SBF2: variants seen among roughly 807,000 people sequenced by gnomAD.
The protein encoded by SBF2 is SET binding factor 2.
In SBF2, 112 loss-of-function variants were observed where a neutral mutation model predicts 225.2. The observed-to-expected ratio is 0.50, with a 90% confidence interval of 0.43 to 0.58. The LOEUF (loss-of-function observed/expected upper bound fraction) is 0.58, where lower values mean the gene tolerates loss of function less well. Among genes scored for constraint, SBF2 ranks in the 20% least tolerant of loss-of-function variants. SBF2 has a pLI of 0.00. For missense variants in SBF2, 1,996 were observed against 2,206.2 expected (o/e 0.90, Z 1.91); for synonymous variants, 763 against 773.3 (o/e 0.99, Z 0.22).
At chr11:9,959,541 G>A (rs1565060420) in intron 16 of SBF2, 21 of 784,854 alleles carry the variant, frequency 2.7e-5, no homozygotes, top group Non-Finnish European at 4.7e-5. Context: ...GGAGGTCCTT[G>A]TGGAAGGGGT....
chr11:10,103,102 G>C (rs61878626), intron 2 of SBF2, among the ~76,000 whole-genome samples: 1 of 152,092 alleles, frequency 6.6e-6, no homozygotes, highest in Non-Finnish European at 1.5e-5. Flanking sequence ...TGTTTGAAAA[G>C]CTGAGTCTCC....
chr11:10,102,349 T>C (rs1419756326), intron 2 of SBF2, among the ~76,000 whole-genome samples: 1 of 152,188 alleles, frequency 6.6e-6, no homozygotes, highest in Non-Finnish European at 1.5e-5. Context: ...ATAATTAAAA[T>C]CACTTATTTA....
chr11:10,258,857 T>G (rs889729655), intron 1 of SBF2, among the ~76,000 whole-genome samples: 1 of 152,212 alleles, frequency 6.6e-6, no homozygotes. Flanking sequence ...AAGAGCCATA[T>G]AGTGACAATA....
intron 2 of SBF2, chr11:10,149,500 C>G (rs1955064781): frequency 6.6e-6 from 1 of 152,176 alleles, no homozygotes; most frequent in Admixed American, 6.5e-5. Context: ...ACACTACTAA[C>G]AACTTCTTTT....
chr11:9,894,000 C>G (rs1460229574), intron 17 of SBF2, among the ~76,000 whole-genome samples: 1 of 152,176 alleles, frequency 6.6e-6, no homozygotes, highest in African/African-American at 2.4e-5. Context: ...AATCGCAGCA[C>G]TTTGTGAGGC....
intron 17 of SBF2, among the ~76,000 whole-genome samples, chr11:9,860,517 G>A (rs995242440): frequency 6.6e-6 from 1 of 152,008 alleles, no homozygotes; most frequent in Admixed American, 6.6e-5. Context: ...TTTTTGTAGA[G>A]ATGGGGTTTC....
intron 2 of SBF2, among the ~76,000 whole-genome samples, chr11:10,139,959 T>C (rs936831837): frequency 2.6e-5 from 4 of 152,196 alleles, no homozygotes; most frequent in Non-Finnish European, 4.4e-5. Context: ...AGGGCAATCC[T>C]TAGGTGTGGT....
intron 24 of SBF2, chr11:9,843,781 C>T (rs1431348771): frequency 1.3e-5 from 2 of 152,162 alleles, no homozygotes; most frequent in Non-Finnish European, 2.9e-5. Context: ...TATTGTAAAT[C>T]ACTTGTGTAA....
chr11:9,939,242 C>T (rs1279840604), intron 16 of SBF2, among the ~76,000 whole-genome samples: 1 of 152,114 alleles, frequency 6.6e-6, no homozygotes, highest in Non-Finnish European at 1.5e-5. Flanking sequence ...ATTACAGGCA[C>T]CTGCCACCAC....
intron 1 of SBF2, among the ~76,000 whole-genome samples, chr11:10,289,705 C>G (rs1964040735): frequency 6.6e-6 from 1 of 152,148 alleles, no homozygotes. Context: ...GAACCCGGTG[C>G]CCTCGGCAGG....
intron 16 of SBF2, among the ~76,000 whole-genome samples, chr11:9,933,983 G>A (rs555086383): frequency 6.6e-6 from 1 of 152,296 alleles, no homozygotes; most frequent in African/African-American, 2.4e-5. Context: ...TCGGGAGGCT[G>A]AGGTAGGAGA....
rs1276273547 is a variant in SBF2 at position 9,781,575 on chromosome 11, C to G, written c.5383G>C (p.Glu1795Gln). 1 of 1,614,240 alleles carries G rather than the reference C, an allele frequency of 6.2e-7. No homozygotes were observed. The highest frequency in any genetic ancestry group is 1.1e-5 in the South Asian group (1 of 91,082). Residue 1795 changes from glutamate (E) to glutamine (Q), a missense_variant, in exon 39 of 40, where the codon GAA becomes CAA. Physicochemically the swap from Glu to Gln is conservative, Grantham distance 29. Transcript: ENST00000256190. ...CTGGGGCCAGCAGGGATGACCATTT[C>G]TACTTCAGCCAGATCAATGTGGCCT... ...CKGHIDLAEV[E>Q]MVIPAGPSMG...
chr11:10,171,015 T>C (rs578249703), intron 2 of SBF2, among the ~76,000 whole-genome samples: 73 of 150,820 alleles, frequency 4.8e-4, no homozygotes, highest in African/African-American at 1.7e-3. Flanking sequence ...ATTCAATTTG[T>C]TCATCAGTTT....
chr11:10,013,407 G>C (rs1356976599), intron 6 of SBF2, among the ~76,000 whole-genome samples: 2 of 152,190 alleles, frequency 1.3e-5, no homozygotes, highest in African/African-American at 4.8e-5. Flanking sequence ...GCAACCACCA[G>C]ATAAGAATGC....
chr11:9,827,235 T>C lies in SBF2; in HGVS notation c.3793+2121A>G, dbSNP rs529958291. Among the ~76,000 whole-genome samples the C allele has an allele frequency of 5.3e-5, 8 of 152,110 alleles. No homozygotes were observed. In the South Asian group the frequency reaches 6.2e-4, roughly 12 times the overall value. On this transcript the variant is annotated intron_variant, in intron 28 of 39. Coordinates refer to ENST00000256190, the MANE Select transcript of SBF2 (RefSeq NM_030962.4). ...ATTGTGAGACAGTGGGACTTCACAG[T>C]TGAGATATCTGGGGCCAGGTGCTTT...
intron 2 of SBF2, among the ~76,000 whole-genome samples, chr11:10,096,366 C>T (rs1394567398): frequency 1.4e-5 from 2 of 147,330 alleles, no homozygotes; most frequent in East Asian, 2.0e-4. Context: ...AAATATTTTC[C>T]CTAGAAATAT....
At chr11:10,237,155 T>C (rs1215674851) in intron 1 of SBF2, among the ~76,000 whole-genome samples, 2 of 152,138 alleles carry the variant, frequency 1.3e-5, no homozygotes, top group African/African-American at 4.8e-5. Context: ...GAGACCAGCC[T>C]GGCCAACATG....
At chr11:9,873,205 C>CAA (rs56013344) in intron 17 of SBF2, among the ~76,000 whole-genome samples, 640 of 60,554 alleles carry the variant, frequency 0.011, 32 homozygotes, top group African/African-American at 0.011. Flanking sequence ...GACTCTGTCT[C>CAA]AAAAAAAAAA....
At chr11:9,933,565 T>C (rs972930180) in intron 16 of SBF2, among the ~76,000 whole-genome samples, 4 of 152,100 alleles carry the variant, frequency 2.6e-5, no homozygotes, top group Non-Finnish European at 5.9e-5. Flanking sequence ...GACTACTGGG[T>C]ACATAACGAA....
Sources: gnomAD v4.1 joint callset for allele counts (sites outside exome capture counted in the v4.1 genomes callset) on GRCh38, gnomAD v4.1.1 for gene constraint, MANE v1.5 for transcripts, NCBI Gene and HGNC (gene_info 2026-07-23, HGNC 2026-07-21) for gene names.